The following OR4P4 variants were observed in gnomAD, a reference collection of about 807,000 sequenced individuals.
OR4P4 encodes the protein olfactory receptor family 4 subfamily P member 4.
OR4P4 carries 1 observed loss-of-function variant against 2.1 expected under a neutral mutation model. That is an observed-to-expected ratio of 0.47 (90% CI 0.17 to 2.21). The LOEUF (loss-of-function observed/expected upper bound fraction) is 2.21. Ranked by LOEUF, OR4P4 falls within the 30% of genes most tolerant of loss-of-function variation. The pLI is 0.27. For synonymous variants in OR4P4, 129 were observed against 133.2 expected (o/e 0.97, Z 0.22); for missense variants, 375 against 376.5 (o/e 1.00, Z 0.03).
rs1174507482 is a variant in OR4P4, at chr11:55,637,354, T to TTAAATATATTA, written c.-30-974_-30-973insTAAATATATTA. Among the ~76,000 whole-genome samples, 6 of 138,396 alleles carry TTAAATATATTA rather than the reference T, an allele frequency of 4.3e-5. 1 individual carries two copies. In the Admixed American group the frequency reaches 4.7e-4, roughly 11 times the overall value. 90.8% of individuals were successfully genotyped at this position (138,396 alleles called of 152,430 possible). A position where few individuals can be genotyped will look rare whatever the true frequency, so the allele number is the denominator to read the frequency against. ...AAGCAATTTTAAGAATAATTCAAAC[T>TTAAATATATTA]AGTAGTGTATTCAATATTATAATTT... is the stretch of plus-strand genomic sequence containing the variant. On this transcript the variant is annotated intron_variant, in intron 1 of 1. Transcript: ENST00000641760.
rs773073684 is a variant in OR4P4 at position 55,638,765 on chromosome 11, G to A, written c.408G>A (p.Arg136=). The A allele has an allele frequency of 7.4e-6, 11 of 1,492,490 alleles. 3 individuals are homozygous for A. In the South Asian group the frequency reaches 1.3e-4, roughly 18 times the overall value. 92.5% of individuals were successfully genotyped at this position (1,492,490 alleles called of 1,614,324 possible). The change falls in exon 2 of 2, where the codon AGG becomes AGA. Residue 136 remains arginine, a synonymous_variant. Transcript: ENST00000641760. ...TGCACTACACCATTATTATGAGCAG[G>A]CAAAAGTGTAACACAATCATCATAG...
At chr11:55,638,714 C>T in exon 2 of OR4P4, 1 of 1,491,954 alleles carries the variant, frequency 6.7e-7, no homozygotes, top group Non-Finnish European at 9.1e-7. Context: ...TGGCCTATGA[C>T]CGCTATGTGG....
chr11:55,639,071 T>C, exon 2 of OR4P4: 1 of 1,492,098 alleles, frequency 6.7e-7, no homozygotes, highest in East Asian at 2.6e-5. Flanking sequence ...TTGCCACTTG[T>C]AGTTCTCATG....
exon 2 of OR4P4, chr11:55,638,762 C>T (rs1248289130): frequency 1.3e-6 from 2 of 1,492,168 alleles, no homozygotes; most frequent in African/African-American, 2.8e-5. Flanking sequence ...TTATTATGAG[C>T]AGGCAAAAGT....
intron 1 of OR4P4, among the ~76,000 whole-genome samples, chr11:55,636,314 C>G (rs1220060200): frequency 7.3e-6 from 1 of 137,660 alleles, no homozygotes; most frequent in African/African-American, 2.5e-5. Context: ...TTGTTGCTTT[C>G]TAGAGCTGGC....
rs1381525093 is a variant in OR4P4, at chr11:55,636,707, T to C, written c.-31+1491T>C. Reference sequence around the variant, plus strand: ...AGAATCCTAATGTAATTTTCATGTGTTTTCCTTGTGATATATTGATATTAG... The same window carrying C: ...AGAATCCTAATGTAATTTTCATGTGCTTTCCTTGTGATATATTGATATTAG... On this transcript the variant is annotated intron_variant, in intron 1 of 1. Transcript: ENST00000641760. 5.1e-5 allele frequency among the ~76,000 whole-genome samples: 7 copies of C among 137,720 alleles called. 3 individuals carry two copies. The East Asian group carries it at 1.6e-3, about 32-fold the overall frequency. The allele number at this position is 137,720 out of a possible 152,430, so 90.3% of individuals were successfully genotyped here.
In OR4P4 at chr11:55,639,312, C is replaced by T. The variant is rs1858432006; in HGVS notation, c.*16C>T. 5 of 1,283,884 alleles carry T rather than the reference C, an allele frequency of 3.9e-6. 1 individual carries two copies. Among genetic ancestry groups the T allele is most frequent in the Non-Finnish European group, 5.3e-6 (5 of 935,184 alleles). 79.5% of individuals were successfully genotyped at this position (1,283,884 alleles called of 1,614,324 possible). A position where few individuals can be genotyped will look rare whatever the true frequency, so the allele number is the denominator to read the frequency against. Reference sequence around the variant, plus strand: ...ACTTTTCTGAATTGTTTCTGCTTTTCATGCCGTGGTTCCCTGATGAATGAG... The same window carrying T: ...ACTTTTCTGAATTGTTTCTGCTTTTTATGCCGTGGTTCCCTGATGAATGAG... On this transcript the variant is annotated 3_prime_UTR_variant, in exon 2 of 2. Coordinates refer to ENST00000641760, the Ensembl canonical transcript of OR4P4.
chr11:55,637,403 G>T (rs1221284689), intron 1 of OR4P4, among the ~76,000 whole-genome samples: 2 of 137,950 alleles, frequency 1.4e-5, no homozygotes, highest in Admixed American at 7.9e-5. Flanking sequence ...AAATGAAATT[G>T]CCTTTCTTAT....
At chr11:55,637,656 G>A (rs1223598779) in intron 1 of OR4P4, among the ~76,000 whole-genome samples, 2 of 138,070 alleles carry the variant, frequency 1.4e-5, no homozygotes, top group South Asian at 2.4e-4. Flanking sequence ...GGCTGAAAAT[G>A]TATATTATAA....
exon 2 of OR4P4, chr11:55,639,530 G>C: frequency 9.0e-6 from 3 of 333,366 alleles, no homozygotes; most frequent in Non-Finnish European, 1.6e-5. Context: ...GAAATAACCA[G>C]AAAATTTCTT....
chr11:55,638,684 G>C, exon 2 of OR4P4: 1 of 1,491,802 alleles, frequency 6.7e-7, no homozygotes, highest in Non-Finnish European at 9.1e-7. Flanking sequence ...GAGGCATAGA[G>C]ATCTTCATTC....
chr11:55,637,923 A>T (rs1858407540), intron 1 of OR4P4, among the ~76,000 whole-genome samples: 1 of 138,610 alleles, frequency 7.2e-6, no homozygotes, highest in African/African-American at 2.5e-5. Flanking sequence ...TACATTATTT[A>T]AAAAATAATA....
chr11:55,639,210 T>C, exon 2 of OR4P4: 1 of 1,488,562 alleles, frequency 6.7e-7, no homozygotes, highest in South Asian at 1.2e-5. Flanking sequence ...CCCTCTCATA[T>C]ACACGCTGAG....
chr11:55,636,474 T>G lies in OR4P4; in HGVS notation c.-31+1258T>G, dbSNP rs1358293401. Reference sequence around the variant, plus strand: ...CTGAAATTCAAGAAGTGTCCTACTTTGCCTGAGAAATTCAGACATGTATGC... The same window carrying G: ...CTGAAATTCAAGAAGTGTCCTACTTGGCCTGAGAAATTCAGACATGTATGC... On this transcript the variant is annotated intron_variant, in intron 1 of 1. Transcript: ENST00000641760. 1.4e-5 allele frequency among the ~76,000 whole-genome samples: 2 copies of G among 138,054 alleles called. 1 individual carries two copies. The highest frequency in any genetic ancestry group is 3.2e-5 in the Non-Finnish European group (2 of 61,826). The allele number at this position is 138,054 out of a possible 152,430, so 90.6% of individuals were successfully genotyped here.
chr11:55,639,361 T>A, exon 2 of OR4P4: 1 of 903,500 alleles, frequency 1.1e-6, no homozygotes, highest in African/African-American at 1.6e-5. Context: ...CATCTTGCTC[T>A]TGTCCTTAAT....
chr11:55,638,646 A>T (rs1858418790), exon 2 of OR4P4: 1 of 1,492,566 alleles, frequency 6.7e-7, no homozygotes, highest in South Asian at 1.2e-5. Context: ...TAACTGTATG[A>T]TACAACTCTT....
At chr11:55,638,749 C>A (rs1858421563) in exon 2 of OR4P4, 1 of 1,492,556 alleles carries the variant, frequency 6.7e-7, no homozygotes, top group Non-Finnish European at 9.1e-7. Flanking sequence ...CTGCACTACA[C>A]CATTATTATG....
chr11:55,639,072 A>G (rs1321504570), exon 2 of OR4P4: 1 of 1,491,784 alleles, frequency 6.7e-7, no homozygotes, highest in African/African-American at 1.4e-5. Context: ...TGCCACTTGT[A>G]GTTCTCATGT....
intron 1 of OR4P4, among the ~76,000 whole-genome samples, chr11:55,635,910 G>A (rs1858383352): frequency 7.3e-6 from 1 of 137,460 alleles, no homozygotes; most frequent in Non-Finnish European, 1.6e-5. Context: ...CACTGGGGAT[G>A]AGATGACATA....
Sources: allele counts gnomAD v4.1 joint callset (sites outside exome capture counted in the v4.1 genomes callset), GRCh38; gene constraint gnomAD v4.1.1; transcripts MANE v1.5; gene names NCBI Gene and HGNC (gene_info 2026-07-23, HGNC 2026-07-21).